Variants in CASD1 observed in about 807,000 individuals in gnomAD.
CASD1 encodes N-acetylneuraminate (7)9-O-acetyltransferase.
In CASD1, 41 loss-of-function variants were observed where a neutral mutation model predicts 100.0. That is an observed-to-expected ratio of 0.41 (90% CI 0.32 to 0.53). The LOEUF (loss-of-function observed/expected upper bound fraction) is 0.53. Ranked by LOEUF, CASD1 falls within the 20% of genes least tolerant of loss-of-function variation. The pLI is 0.25. For synonymous variants in CASD1, 321 were observed against 315.6 expected, an observed-to-expected ratio of 1.02 and a Z score of -0.18; for missense variants, 774 against 948.7, an observed-to-expected ratio of 0.82 and a Z score of 2.42.
rs1238021565 is a variant in CASD1, at chr7:94,533,200, T to C, written c.460-5T>C. On this transcript the variant is annotated splice_polypyrimidine_tract_variant and splice_region_variant and intron_variant, in intron 5 of 17. Coordinates refer to ENST00000297273, the MANE Select transcript of CASD1 (RefSeq NM_022900.5). ...ATACTATGATAAAGATTTGTCTTCC[T>C]TTAGGATTCCATTGCAAAGCCACAT... The C allele has an allele frequency of 6.2e-7, 1 of 1,605,038 alleles. No individual in the cohort carries two copies. The highest frequency in any genetic ancestry group is 1.7e-5 in the Admixed American group (1 of 59,818).
At chr7:94,563,031 C>G in the CASD1 span, among the ~76,000 whole-genome samples, 2 of 152,120 alleles carry the variant, frequency 1.3e-5, no homozygotes, top group Non-Finnish European at 2.9e-5. Context: ...GGAGTAAGAT[C>G]TTCCTTATGC....
the CASD1 span, chr7:94,587,835 T>G: frequency 6.5e-7 from 1 of 1,533,020 alleles, no homozygotes; most frequent in Non-Finnish European, 8.8e-7. Context: ...AAAGCAGTAA[T>G]AGAGAAGATA....
At chr7:94,577,555 G>A in the CASD1 span, among the ~76,000 whole-genome samples, 12 of 152,232 alleles carry the variant, frequency 7.9e-5, no homozygotes, top group East Asian at 2.1e-3. Flanking sequence ...ATTATCCCAA[G>A]GTGAGAGCAT....
chr7:94,531,324 A>G (rs1794839273), intron 5 of CASD1, among the ~76,000 whole-genome samples: 1 of 152,136 alleles, frequency 6.6e-6, no homozygotes, highest in Non-Finnish European at 1.5e-5. Context: ...AAGAATAGGG[A>G]CATATTTTCT....
At chr7:94,593,971 A>G in the CASD1 span, among the ~76,000 whole-genome samples, 1 of 152,084 alleles carries the variant, frequency 6.6e-6, no homozygotes, top group Non-Finnish European at 1.5e-5. Flanking sequence ...ACCAGACTCC[A>G]AATTCCCATA....
intron 9 of CASD1, 152 bp downstream of exon 9, chr7:94,538,046 A>C: frequency 3.5e-6 from 2 of 572,644 alleles, no homozygotes; most frequent in Non-Finnish European, 6.1e-6. Flanking sequence ...CACTTAGTGG[A>C]CTCTTAACTG....
chr7:94,575,742 T>C, the CASD1 span, among the ~76,000 whole-genome samples: 1 of 152,080 alleles, frequency 6.6e-6, no homozygotes, highest in Admixed American at 6.6e-5. Flanking sequence ...CAAAATAAGT[T>C]TGCTGGATAT....
At chr7:94,619,633 G>A in the CASD1 span, 6 of 152,080 alleles carry the variant, frequency 3.9e-5, no homozygotes, top group Non-Finnish European at 7.4e-5. Flanking sequence ...GTTCTCTTAC[G>A]ATAAATAATA....
At chr7:94,628,486 A>G in the CASD1 span, 1 of 684,342 alleles carries the variant, frequency 1.5e-6, no homozygotes, top group African/African-American at 1.8e-5. Context: ...ATACACACAT[A>G]CAAAACCCAT....
chr7:94,537,352 C>A, intron 8 of CASD1, 120 bp from the exon 9 acceptor site: 1 of 852,348 alleles, frequency 1.2e-6, no homozygotes, highest in Non-Finnish European at 1.8e-6. Flanking sequence ...GAAATGGTAG[C>A]AAAAGATACG....
At chr7:94,590,969 C>G in the CASD1 span, 6 of 151,976 alleles carry the variant, frequency 3.9e-5, no homozygotes, top group Non-Finnish European at 2.9e-5. Context: ...TTCAGTTCCA[C>G]TTTAAAGATA....
intron 2 of CASD1, 135 bp downstream of exon 2, chr7:94,517,791 A>C: frequency 1.8e-6 from 1 of 551,488 alleles, no homozygotes; most frequent in Non-Finnish European, 3.2e-6. Context: ...GCTGATTGCA[A>C]ATGAAGATTT....
chr7:94,533,260 A>G lies in CASD1; in HGVS notation c.504+11A>G, dbSNP rs780599033. 1 of 1,603,202 alleles carries G rather than the reference A, an allele frequency of 6.2e-7. No individual in the cohort carries two copies. The highest frequency in any genetic ancestry group is 1.1e-5 in the South Asian group (1 of 89,924). On this transcript the variant is annotated intron_variant, in intron 6 of 17. Transcript: ENST00000297273. ...GCAGGAGCTGCCACAGTAAGTTATC[A>G]TCTGTATTCTTACTTAATGATTTTG...
chr7:94,554,291 G>T, intron 16 of CASD1, 192 bp from the exon 17 acceptor site: 1 of 470,574 alleles, frequency 2.1e-6, no homozygotes, highest in Admixed American at 3.5e-5. Flanking sequence ...CCGACCATGT[G>T]TTGAGAAATC....
the CASD1 span, among the ~76,000 whole-genome samples, chr7:94,580,066 A>G: frequency 6.6e-6 from 1 of 152,136 alleles, no homozygotes; most frequent in Non-Finnish European, 1.5e-5. Flanking sequence ...ATCTCCCACC[A>G]CTATCCGAGT....
chr7:94,552,494 G>A, intron 16 of CASD1, 67 bp downstream of exon 16: 1 of 1,173,042 alleles, frequency 8.5e-7, no homozygotes, highest in Non-Finnish European at 1.2e-6. Flanking sequence ...TTTAGAGGCA[G>A]AGAGATTTGA....
At chr7:94,590,909 GT>G in the CASD1 span, 2 of 152,058 alleles carry the variant, frequency 1.3e-5, no homozygotes, top group African/African-American at 4.8e-5. Flanking sequence ...GTTAAATGCT[GT>G]TTAAACTCTT....
chr7:94,633,406 G>GC, the CASD1 span, among the ~76,000 whole-genome samples: 4 of 152,202 alleles, frequency 2.6e-5, no homozygotes, highest in East Asian at 5.8e-4. Context: ...AGTAGAGAGA[G>GC]CCAAAGGGTT....
At chr7:94,622,582 T>A in the CASD1 span, 2 of 150,308 alleles carry the variant, frequency 1.3e-5, no homozygotes, top group Non-Finnish European at 2.9e-5. Flanking sequence ...TTAGCCGAGA[T>A]GGTGCCATTG....
Sources: gnomAD v4.1 joint callset for allele counts (sites outside exome capture counted in the v4.1 genomes callset) on GRCh38, gnomAD v4.1.1 for gene constraint, MANE v1.5 for transcripts, NCBI Gene and HGNC (gene_info 2026-07-23, HGNC 2026-07-21) for gene names.